Variants in AKT3 observed in about 807,000 individuals in gnomAD.
The protein encoded by AKT3 is RAC-gamma serine/threonine-protein kinase.
AKT3 carries 15 observed loss-of-function variants against 65.3 expected under a neutral mutation model. The observed-to-expected ratio is 0.23, with a 90% CI of 0.15 to 0.35. The LOEUF is 0.35. Ranked by LOEUF, AKT3 falls within the 10% of genes least tolerant of loss-of-function variation. AKT3 has a pLI of 1.00. For synonymous variants in AKT3, 206 were observed against 183.8 expected (o/e 1.12, Z -0.98); for missense variants, 243 against 576.5 (o/e 0.42, Z 5.92).
intron 2 of AKT3, among the ~76,000 whole-genome samples, chr1:243,825,554 A>T (rs1317854594): frequency 6.6e-6 from 1 of 152,154 alleles, no homozygotes; most frequent in Admixed American, 6.5e-5. Context: ...ACTTCAAACT[A>T]TGTAATTTGG....
chr1:243,678,525 C>A (rs1683689060), intron 3 of AKT3, among the ~76,000 whole-genome samples: 1 of 152,128 alleles, frequency 6.6e-6, no homozygotes. Flanking sequence ...ATAGTAACTA[C>A]TAAGTAATTA....
intron 8 of AKT3, among the ~76,000 whole-genome samples, chr1:243,595,808 C>G (rs981237961): frequency 6.6e-6 from 1 of 152,110 alleles, no homozygotes; most frequent in African/African-American, 2.4e-5. Flanking sequence ...AAGGACCCAC[C>G]TGATGCTGTT....
At chr1:243,780,627 A>G (rs1006913939) in intron 2 of AKT3, among the ~76,000 whole-genome samples, 1 of 151,542 alleles carries the variant, frequency 6.6e-6, no homozygotes, top group Non-Finnish European at 1.5e-5. Context: ...GGAGAAAGAG[A>G]GGGAACAGAG....
intron 2 of AKT3, among the ~76,000 whole-genome samples, chr1:243,776,325 G>T (rs934767057): frequency 2.0e-5 from 3 of 152,190 alleles, no homozygotes; most frequent in Non-Finnish European, 4.4e-5. Context: ...ACTAAAGACT[G>T]TAACAAAATC....
intron 1 of AKT3, among the ~76,000 whole-genome samples, chr1:243,845,594 A>AAAAAAAAG (rs1456880907): frequency 1.4e-5 from 2 of 146,634 alleles, no homozygotes; most frequent in African/African-American, 2.5e-5. Context: ...GTCTCAAAAA[A>AAAAAAAAG]AAAAAAAAAG....
chr1:243,666,745 A>G (rs567635633), intron 3 of AKT3, among the ~76,000 whole-genome samples: 1 of 152,324 alleles, frequency 6.6e-6, no homozygotes, highest in South Asian at 2.1e-4. Context: ...ACTACCCAAC[A>G]TCATAGATTA....
At chr1:243,771,287 T>C (rs1055039371) in intron 2 of AKT3, among the ~76,000 whole-genome samples, 1 of 152,248 alleles carries the variant, frequency 6.6e-6, no homozygotes, top group Non-Finnish European at 1.5e-5. Flanking sequence ...GTGTATTCTA[T>C]TAATTACATC....
At chr1:243,733,479 TA>T (rs1352588052) in intron 2 of AKT3, among the ~76,000 whole-genome samples, 1 of 152,312 alleles carries the variant, frequency 6.6e-6, no homozygotes, top group African/African-American at 2.4e-5. Context: ...GCTACAGCTG[TA>T]ACTACATTGC....
chr1:243,816,534 TTACA>T (rs1002079684), intron 2 of AKT3, among the ~76,000 whole-genome samples: 3 of 152,098 alleles, frequency 2.0e-5, no homozygotes, highest in African/African-American at 7.2e-5. Context: ...TTTAAATAGA[TTACA>T]TAAAGTTAAA....
intron 2 of AKT3, among the ~76,000 whole-genome samples, chr1:243,821,172 G>T (rs1693832330): frequency 6.6e-6 from 1 of 152,098 alleles, no homozygotes; most frequent in African/African-American, 2.4e-5. Flanking sequence ...TTCATGTCCA[G>T]CCAAACTAAG....
intron 8 of AKT3, among the ~76,000 whole-genome samples, chr1:243,585,145 C>A (rs1383723248): frequency 2.3e-4 from 35 of 151,398 alleles, no homozygotes; most frequent in Non-Finnish European, 1.5e-5. Flanking sequence ...AATAGCCACA[C>A]ACACAAAAAA....
intron 2 of AKT3, among the ~76,000 whole-genome samples, chr1:243,833,196 G>A (rs1694648153): frequency 6.6e-6 from 1 of 152,130 alleles, no homozygotes; most frequent in East Asian, 1.9e-4. Context: ...AGGTGGCAGT[G>A]AGCCAAGATC....
chr1:243,597,108 G>A (rs1047974763), intron 8 of AKT3, among the ~76,000 whole-genome samples: 6 of 152,136 alleles, frequency 3.9e-5, no homozygotes, highest in Non-Finnish European at 7.4e-5. Context: ...TTGAGGCAAT[G>A]AGAATGTTTT....
chr1:243,812,960 T>C (rs565002564), intron 2 of AKT3, among the ~76,000 whole-genome samples: 3 of 135,028 alleles, frequency 2.2e-5, no homozygotes, highest in South Asian at 2.3e-4. Context: ...ATAGGTGGCA[T>C]AGGTGGGAAC....
chr1:243,571,388 A>G (rs539405847), intron 9 of AKT3, among the ~76,000 whole-genome samples: 2 of 152,312 alleles, frequency 1.3e-5, no homozygotes, highest in African/African-American at 4.8e-5. Flanking sequence ...AATACTGACC[A>G]AGACCATAAT....
chr1:243,642,555 C>T (rs531772677), intron 5 of AKT3, among the ~76,000 whole-genome samples: 13 of 152,278 alleles, frequency 8.5e-5, no homozygotes, highest in South Asian at 6.2e-4. Flanking sequence ...GTGATCCGCC[C>T]ACCTTGGCCT....
At chr1:243,521,603 A>G (rs1270721082) in intron 12 of AKT3, among the ~76,000 whole-genome samples, 1 of 152,204 alleles carries the variant, frequency 6.6e-6, no homozygotes, top group African/African-American at 2.4e-5. Flanking sequence ...TTTTTACAAA[A>G]CTACACAGTA....
chr1:243,743,142 C>G (rs1001357041), intron 2 of AKT3, among the ~76,000 whole-genome samples: 2 of 152,200 alleles, frequency 1.3e-5, no homozygotes, highest in African/African-American at 4.8e-5. Flanking sequence ...TGGTCTCCAT[C>G]TCAAAAACAG....
At chr1:243,506,169 C>T (rs1047458576) in intron 13 of AKT3, among the ~76,000 whole-genome samples, 4 of 152,346 alleles carry the variant, frequency 2.6e-5, no homozygotes, top group South Asian at 2.1e-4. Context: ...GCTGAGCACC[C>T]GTCAGGCCCA....
Sources: allele counts gnomAD v4.1 joint callset (sites outside exome capture counted in the v4.1 genomes callset), GRCh38; gene constraint gnomAD v4.1.1; transcripts MANE v1.5; gene names NCBI Gene and HGNC (gene_info 2026-07-23, HGNC 2026-07-21).